Variants in PROSER3 observed in about 807,000 individuals in gnomAD.
PROSER3 encodes proline and serine-rich protein 3.
Under a neutral mutation model 50.2 loss-of-function variants are expected in PROSER3, and 33 were observed. The ratio of observed to expected loss-of-function variants is 0.66; its 90% CI spans 0.50 to 0.88. The LOEUF is 0.88. Among genes scored for constraint, PROSER3 ranks in the 40% least tolerant of loss-of-function variants. PROSER3 has a pLI of 0.00. For missense variants in PROSER3, 623 were observed against 612.7 expected (o/e 1.02, Z -0.18); for synonymous variants, 266 against 259.3 (o/e 1.03, Z -0.25).
exon 11 of PROSER3, chr19:35,768,755 C>T (rs1971260154): frequency 1.4e-5 from 7 of 498,236 alleles, no homozygotes; most frequent in Non-Finnish European, 2.3e-5. Flanking sequence ...TTATATCTTC[C>T]TTGGGGCAGA....
chr19:35,761,950 G>A, intron 3 of PROSER3, 69 bp from the exon 4 acceptor site: 5 of 1,467,674 alleles, frequency 3.4e-6, no homozygotes, highest in Non-Finnish European at 4.6e-6. Context: ...AACGTTGGCT[G>A]CTATAATTAT....
Position 35,766,945 on chromosome 19 carries a change from TCCGCACGTTGGTGAG to T in PROSER3, c.951_957+8del. The T allele has an allele frequency of 1.3e-6, 2 of 1,551,852 alleles. No homozygotes were observed. Among genetic ancestry groups the T allele is most frequent in the South Asian group, 2.4e-5 (2 of 84,096 alleles). On this transcript the variant is annotated splice_donor_variant and splice_donor_5th_base_variant and coding_sequence_variant and intron_variant, in exon 8 of 11. Transcript: ENST00000396908. LOFTEE classifies it high-confidence loss of function. ...TGGGTGCCGCCTCTGACCCCTGCCC[TCCGCACGTTGGTGAG>T]CCGAGGGAGGGAGGAGCCTGGGGGG... is the stretch of plus-strand genomic sequence containing the variant.
At chr19:35,765,571 C>T (rs931685757) in intron 7 of PROSER3, among the ~76,000 whole-genome samples, 3 of 151,526 alleles carry the variant, frequency 2.0e-5, no homozygotes, top group Non-Finnish European at 2.9e-5. Flanking sequence ...CAGAGAGAGA[C>T]TCCATCTCAA....
intron 1 of PROSER3, 178 bp from the exon 2 acceptor site, chr19:35,759,196 C>T (rs1273206932): frequency 1.5e-5 from 9 of 603,384 alleles, no homozygotes; most frequent in Non-Finnish European, 2.6e-5. Flanking sequence ...GGGGCGGGCT[C>T]CCAGGACTCA....
chr19:35,764,783 G>A, intron 5 of PROSER3, 71 bp from the exon 6 acceptor site: 2 of 1,379,386 alleles, frequency 1.4e-6, no homozygotes, highest in Admixed American at 2.0e-5. Flanking sequence ...TGCATTCCAG[G>A]CCCTCTGTTT....
chr19:35,759,147 C>G, intron 1 of PROSER3: 1 of 517,302 alleles, frequency 1.9e-6, no homozygotes. Context: ...GAACCACCGG[C>G]TGTCAGTTCC....
chr19:35,758,405 C>A, intron 1 of PROSER3, 179 bp downstream of exon 1: 1 of 724,764 alleles, frequency 1.4e-6, no homozygotes, highest in Non-Finnish European at 2.1e-6. Flanking sequence ...GTTAGCATCC[C>A]GGGGGTCCCC....
chr19:35,759,406 T>C, exon 2 of PROSER3: 1 of 1,613,724 alleles, frequency 6.2e-7, no homozygotes, highest in Non-Finnish European at 8.5e-7. Flanking sequence ...GATAGTCCCT[T>C]TGGAGATGCG....
At chr19:35,758,464 C>T (rs1970843177) in intron 1 of PROSER3, 1 of 433,770 alleles carries the variant, frequency 2.3e-6, no homozygotes. Flanking sequence ...ATTATTGCCT[C>T]TAAAGGTGTC....
At chr19:35,767,169 C>T in intron 8 of PROSER3, 1 of 553,948 alleles carries the variant, frequency 1.8e-6, no homozygotes, top group Non-Finnish European at 3.0e-6. Context: ...CCACCAGAGG[C>T]CTTCTATGTG....
intron 8 of PROSER3, chr19:35,767,305 G>A (rs2146625162): frequency 3.4e-6 from 1 of 297,546 alleles, no homozygotes; most frequent in East Asian, 7.2e-5. Context: ...CCACGCAGCA[G>A]GCCTCCACCC....
chr19:35,764,475 G>T (rs896312183), intron 5 of PROSER3, among the ~76,000 whole-genome samples: 1 of 152,058 alleles, frequency 6.6e-6, no homozygotes, highest in African/African-American at 2.4e-5. Flanking sequence ...TGACCAACAT[G>T]GAGAAGCCCT....
intron 3 of PROSER3, among the ~76,000 whole-genome samples, chr19:35,760,336 G>A (rs1312436486): frequency 6.6e-6 from 1 of 152,070 alleles, no homozygotes; most frequent in Admixed American, 6.6e-5. Context: ...TCCCACCTCA[G>A]CCTCCTGAGT....
exon 5 of PROSER3, chr19:35,762,305 C>G: frequency 6.2e-7 from 1 of 1,611,292 alleles, no homozygotes. Flanking sequence ...CTACTGCGGT[C>G]AACGTGACCA....
In PROSER3 at chr19:35,759,375, CT is replaced by C. The variant is rs1222925726; in HGVS notation, c.14del (p.Leu5ArgfsTer34). The C allele has an allele frequency of 2.5e-6, 4 of 1,613,368 alleles. No individual in the cohort carries two copies. In the East Asian group the frequency reaches 8.9e-5, roughly 36 times the overall value. On this transcript the variant is annotated frameshift_variant and splice_region_variant, in exon 2 of 11. Coordinates refer to ENST00000396908, the Ensembl canonical transcript of PROSER3. LOFTEE classifies it high-confidence loss of function. ...CTGAACCCCACTTTCCTCTTGCAGC[CT>C]GCCAGTTTTCTCCATTCAAGATAGT... is the stretch of plus-strand genomic sequence containing the variant.
At chr19:35,764,787 T>A in intron 5 of PROSER3, 67 bp from the exon 6 acceptor site, 1 of 1,425,974 alleles carries the variant, frequency 7.0e-7, no homozygotes, top group South Asian at 1.2e-5. Flanking sequence ...TTCCAGGCCC[T>A]CTGTTTAGAA....
In PROSER3 at chr19:35,768,242, C is replaced by T. The variant is rs1276706654; in HGVS notation, c.1301+6C>T. ...GAGCTGAGTCGGCAGAAAAGGTGAC[C>T]GACCCTCCATCCCCAGAGTCTATGA... On this transcript the variant is annotated splice_donor_region_variant and intron_variant, in intron 10 of 10. Transcript: ENST00000396908. The T allele has an allele frequency of 1.2e-6, 2 of 1,607,274 alleles. No individual in the cohort carries two copies. The highest frequency in any genetic ancestry group is 1.7e-6 in the Non-Finnish European group (2 of 1,177,866).
At chr19:35,767,117 C>G (rs1255604790) in intron 8 of PROSER3, 1 of 943,974 alleles carries the variant, frequency 1.1e-6, no homozygotes, top group Non-Finnish European at 1.5e-6. Context: ...GGGGACCCAG[C>G]CTAACCATGT....
At position 35,766,775 on chromosome 19, in the gene PROSER3, G is replaced by A. The variant is rs922999563; in HGVS notation, c.777G>A (p.Pro259=). 3.0e-5 allele frequency: 47 copies of A among 1,546,896 alleles called. No individual in the cohort carries two copies. The East Asian group carries it at 3.4e-4, about 11-fold the overall frequency. The stretch of plus-strand genomic sequence containing the variant: ...CTCTACCTCCCCCTACAGCATCCCC[G>A]GCACCAGCCCAGGCCCAGACCCCCA... Residue 259 remains proline, a synonymous_variant, in exon 8 of 11, where the codon CCG becomes CCA. Coordinates refer to ENST00000396908, the Ensembl canonical transcript of PROSER3.
Sources: allele counts gnomAD v4.1 joint callset (sites outside exome capture counted in the v4.1 genomes callset), GRCh38; gene constraint gnomAD v4.1.1; transcripts MANE v1.5; gene names NCBI Gene and HGNC (gene_info 2026-07-23, HGNC 2026-07-21).